The following ANO4 variants were observed in gnomAD, a reference collection of about 807,000 sequenced individuals.
ANO4 encodes the protein anoctamin 4.
A neutral mutation model predicts 141.9 loss-of-function variants in ANO4; 69 were observed. The ratio of observed to expected loss-of-function variants is 0.49; its 90% CI spans 0.40 to 0.59. The LOEUF (loss-of-function observed/expected upper bound fraction) is 0.59. Ranked by LOEUF, ANO4 falls within the 20% of genes least tolerant of loss-of-function variation. The pLI is 0.00. For synonymous variants in ANO4, 350 were observed against 394.3 expected (o/e 0.89, Z 1.33); for missense variants, 894 against 1,162.2 (o/e 0.77, Z 3.36).
intron 26 of ANO4, among the ~76,000 whole-genome samples, chr12:101,122,004 G>A (rs959171145): frequency 3.3e-5 from 5 of 152,070 alleles, no homozygotes; most frequent in East Asian, 3.9e-4. Context: ...TGATCCATCC[G>A]CCTTGGCCTC....
chr12:100,840,355 TC>T (rs1238848636), intron 1 of ANO4, among the ~76,000 whole-genome samples: 1 of 152,158 alleles, frequency 6.6e-6, no homozygotes, highest in Non-Finnish European at 1.5e-5. Context: ...TTGGTAGTAA[TC>T]CTACCATCTA....
chr12:101,010,276 T>C (rs1305655055), intron 8 of ANO4, among the ~76,000 whole-genome samples: 1 of 152,172 alleles, frequency 6.6e-6, no homozygotes, highest in African/African-American at 2.4e-5. Context: ...CCATCTTTAC[T>C]TGGAAGCTCA....
At chr12:100,988,883 A>AAGAAAAAC (rs2044894106) in intron 8 of ANO4, among the ~76,000 whole-genome samples, 1 of 125,234 alleles carries the variant, frequency 8.0e-6, no homozygotes, top group South Asian at 3.0e-4. Flanking sequence ...AAAAAAAAAA[A>AAGAAAAAC]AAAAAGAAAG....
At chr12:101,055,470 C>T (rs2048077407) in intron 14 of ANO4, among the ~76,000 whole-genome samples, 1 of 152,216 alleles carries the variant, frequency 6.6e-6, no homozygotes, top group African/African-American at 2.4e-5. Flanking sequence ...GCAATCTGCA[C>T]ATCTTACTTG....
intron 1 of ANO4, among the ~76,000 whole-genome samples, chr12:100,807,857 C>T (rs1271080299): frequency 6.6e-6 from 1 of 152,124 alleles, no homozygotes; most frequent in African/African-American, 2.4e-5. Context: ...CTTCCAGCTC[C>T]ATCCATGTCC....
intron 3 of ANO4, among the ~76,000 whole-genome samples, chr12:100,938,249 T>C (rs1405178570): frequency 1.3e-5 from 2 of 152,248 alleles, no homozygotes; most frequent in African/African-American, 4.8e-5. Flanking sequence ...CATTAGAGAA[T>C]TCACCACAAG....
At chr12:101,019,445 C>T (rs982821571) in intron 8 of ANO4, among the ~76,000 whole-genome samples, 1 of 152,030 alleles carries the variant, frequency 6.6e-6, no homozygotes, top group African/African-American at 2.4e-5. Flanking sequence ...CTGGCTAGGG[C>T]ACTTGCTGGG....
intron 7 of ANO4, among the ~76,000 whole-genome samples, chr12:100,976,756 A>G (rs1017463792): frequency 1.1e-4 from 17 of 152,242 alleles, no homozygotes; most frequent in African/African-American, 3.4e-4. Context: ...ATGGGACGGG[A>G]AAACAAAAAC....
intron 1 of ANO4, among the ~76,000 whole-genome samples, chr12:100,830,416 A>G (rs2036573986): frequency 1.3e-5 from 2 of 152,112 alleles, no homozygotes; most frequent in Admixed American, 1.3e-4. Context: ...TTTGAGAATT[A>G]GGCAGTGCTC....
chr12:101,057,830 A>T (rs2048185722), intron 14 of ANO4, among the ~76,000 whole-genome samples: 1 of 152,120 alleles, frequency 6.6e-6, no homozygotes, highest in Non-Finnish European at 1.5e-5. Context: ...CACTCTGATG[A>T]TAGTTTCCAT....
chr12:100,800,784 A>G (rs2034634881), intron 1 of ANO4, among the ~76,000 whole-genome samples: 1 of 152,246 alleles, frequency 6.6e-6, no homozygotes, highest in African/African-American at 2.4e-5. Context: ...TATCAGGCCC[A>G]TAACAGTGTA....
intron 2 of ANO4, among the ~76,000 whole-genome samples, chr12:100,907,269 C>T (rs2040889347): frequency 6.6e-6 from 1 of 152,160 alleles, no homozygotes; most frequent in East Asian, 1.9e-4. Flanking sequence ...ATTTCTCAAG[C>T]AGGCTTTTAC....
intron 17 of ANO4, among the ~76,000 whole-genome samples, chr12:101,093,428 C>T (rs1002912638): frequency 1.3e-5 from 2 of 152,264 alleles, no homozygotes; most frequent in South Asian, 4.1e-4. Context: ...GCAATTTTAA[C>T]CAGTGTGTTT....
intron 3 of ANO4, among the ~76,000 whole-genome samples, chr12:100,924,057 G>C (rs2041759381): frequency 1.3e-5 from 2 of 152,190 alleles, no homozygotes; most frequent in South Asian, 4.1e-4. Flanking sequence ...CAGATGGGTA[G>C]ATTGTGAAAA....
At position 101,037,275 on chromosome 12, in the gene ANO4, T is replaced by C. The variant is rs556536772; in HGVS notation, c.897+125T>C. On this transcript the variant is annotated intron_variant, in intron 10 of 27. Transcript: ENST00000392977. ...GAATGAATTTAATTTGTTCAATGGG[T>C]AATTAGGGAGGGTCTACTTCAATTG... 1.1e-5 allele frequency: 10 copies of C among 933,450 alleles called. 1 individual carries two copies. The African/African-American group carries it at 1.6e-4, about 15-fold the overall frequency. The allele number at this position is 933,450 out of a possible 1,614,324, so 57.8% of individuals were successfully genotyped here. A position where few individuals can be genotyped will look rare whatever the true frequency, so the allele number is the denominator to read the frequency against.
At chr12:101,075,194 G>A (rs141890594) in intron 14 of ANO4, among the ~76,000 whole-genome samples, 1 of 152,310 alleles carries the variant, frequency 6.6e-6, no homozygotes, top group African/African-American at 2.4e-5. Flanking sequence ...TACTCGCTAA[G>A]GAAATGGTGT....
chr12:101,114,533 A>G (rs2050780358), intron 24 of ANO4, among the ~76,000 whole-genome samples: 1 of 152,030 alleles, frequency 6.6e-6, no homozygotes, highest in Admixed American at 6.6e-5. Flanking sequence ...TTAAATTTAA[A>G]TTTTCTTAAT....
chr12:101,077,806 A>C (rs1055584817), intron 14 of ANO4, among the ~76,000 whole-genome samples: 1 of 152,182 alleles, frequency 6.6e-6, no homozygotes, highest in Non-Finnish European at 1.5e-5. Flanking sequence ...TTTCTGCCAA[A>C]CTTAGGGGAA....
chr12:101,091,366 T>C (rs2049766380), intron 17 of ANO4, among the ~76,000 whole-genome samples: 1 of 152,182 alleles, frequency 6.6e-6, no homozygotes, highest in Non-Finnish European at 1.5e-5. Flanking sequence ...TGATGATGTC[T>C]CATCCCCGCA....
Sources: allele counts gnomAD v4.1 joint callset (sites outside exome capture counted in the v4.1 genomes callset), GRCh38; gene constraint gnomAD v4.1.1; transcripts MANE v1.5; gene names NCBI Gene and HGNC (gene_info 2026-07-23, HGNC 2026-07-21).